Variants in CYP2U1 observed in about 807,000 individuals in gnomAD.
The protein encoded by CYP2U1 is cytochrome P450 family 2 subfamily U member 1.
CYP2U1 carries 28 observed loss-of-function variants against 42.8 expected under a neutral mutation model. The ratio of observed to expected loss-of-function variants is 0.65; its 90% CI spans 0.48 to 0.90. The LOEUF is 0.90. Among genes scored for constraint, CYP2U1 ranks in the 40% least tolerant of loss-of-function variants. CYP2U1 has a pLI of 0.00. For synonymous variants in CYP2U1, 296 were observed against 278.9 expected (o/e 1.06, Z -0.61); for missense variants, 642 against 693.8 (o/e 0.93, Z 0.84).
chr4:107,949,514 A>C lies in CYP2U1; in HGVS notation c.1453A>C (p.Ile485Leu). Residue 485 changes from isoleucine to leucine, a missense_variant, in exon 4 of 5, where the codon ATA becomes CTA. Ile to Leu is a conservative substitution (Grantham distance 5, BLOSUM62 2). Transcript: ENST00000332884. The stretch of plus-strand genomic sequence containing the variant: ...AAAAGAAACCTTTATTCCTTTTGGG[A>C]TAGGTCAGTTACACTTTTTTAAACT... ...IKKETFIPFGIGKRVCMGEQL... is the reference protein window; with the variant it reads ...IKKETFIPFGLGKRVCMGEQL... 2 of 1,556,544 alleles carry C rather than the reference A, an allele frequency of 1.3e-6. No individual in the cohort carries two copies. Among genetic ancestry groups the C allele is most frequent in the Non-Finnish European group, 1.7e-6 (2 of 1,150,012 alleles).
intron 1 of CYP2U1, chr4:107,938,482 T>C (rs1733358232): frequency 6.6e-6 from 1 of 152,132 alleles, no homozygotes; most frequent in Non-Finnish European, 1.5e-5. Flanking sequence ...ACTGGGAAAA[T>C]AGGCATCTCA....
At chr4:107,936,102 C>T (rs936067027) in intron 1 of CYP2U1, 1 of 152,078 alleles carries the variant, frequency 6.6e-6, no homozygotes, top group Non-Finnish European at 1.5e-5. Flanking sequence ...AGGTGGTCTT[C>T]TTCTTAAGCC....
At chr4:107,932,491 G>A (rs1286326059) in intron 1 of CYP2U1, among the ~76,000 whole-genome samples, 2 of 152,166 alleles carry the variant, frequency 1.3e-5, no homozygotes, top group African/African-American at 4.8e-5. Context: ...GAGAAACTTT[G>A]GCCCCCATGT....
chr4:107,941,087 C>T (rs1272499768), intron 1 of CYP2U1: 1 of 151,896 alleles, frequency 6.6e-6, no homozygotes, highest in Non-Finnish European at 1.5e-5. Context: ...ACAAAAGGTA[C>T]TCTAAGTGAT....
Position 107,945,068 on chromosome 4 carries a change from C to G in CYP2U1, c.589C>G (p.Pro197Ala). The G allele has an allele frequency of 6.2e-7, 1 of 1,613,504 alleles. No homozygotes were observed. The highest frequency in any genetic ancestry group is 8.5e-7 in the Non-Finnish European group (1 of 1,179,918). ...HFGLGKLSLE[P>A]KIIEEFKYVK... ...TGGGTTGGGAAAACTTAGCTTGGAG[C>G]CCAAGATTATTGAGGAGTTCAAATA... is the stretch of plus-strand genomic sequence containing the variant. Residue 197 changes from proline (P) to alanine (A), a missense_variant, in exon 2 of 5, where the codon CCC becomes GCC. Physicochemically the swap from Pro to Ala is conservative, Grantham distance 27 (BLOSUM62 -1). Coordinates refer to ENST00000332884, the MANE Select transcript of CYP2U1 (RefSeq NM_183075.3).
chr4:107,949,659 C>A, intron 4 of CYP2U1, 142 bp downstream of exon 4: 1 of 707,910 alleles, frequency 1.4e-6, no homozygotes, highest in Non-Finnish European at 2.1e-6. Flanking sequence ...GACAAGGCAT[C>A]TCCCCTATGT....
At chr4:107,934,292 TTG>T (rs1424236970) in intron 1 of CYP2U1, among the ~76,000 whole-genome samples, 1 of 152,126 alleles carries the variant, frequency 6.6e-6, no homozygotes, top group African/African-American at 2.4e-5. Context: ...TATGATACCA[TTG>T]TTTCATTTTA....
At chr4:107,940,059 G>C (rs1466262274) in intron 1 of CYP2U1, 4 of 151,226 alleles carry the variant, frequency 2.6e-5, no homozygotes, top group Admixed American at 1.3e-4. Flanking sequence ...CTATATACTT[G>C]ACGCTGCCAT....
chr4:107,935,517 T>A (rs972508898), intron 1 of CYP2U1: 2 of 152,170 alleles, frequency 1.3e-5, no homozygotes, highest in African/African-American at 4.8e-5. Flanking sequence ...ATGAAGTAAA[T>A]GCTTGTGGAG....
At chr4:107,949,791 A>ATCTGG (rs1461618979) in intron 4 of CYP2U1, among the ~76,000 whole-genome samples, 2 of 152,078 alleles carry the variant, frequency 1.3e-5, no homozygotes, top group African/African-American at 4.8e-5. Flanking sequence ...GCAATTTCTG[A>ATCTGG]TCTGGTCTGG....
In CYP2U1 at chr4:107,953,271, A is replaced by T. The variant is rs1009770561; in HGVS notation, c.*2848A>T. 2 of 152,238 alleles carry T rather than the reference A, an allele frequency of 1.3e-5. No individual in the cohort carries two copies. The highest frequency in any genetic ancestry group is 2.9e-5 in the Non-Finnish European group (2 of 68,052). The allele number at this position is 152,238 out of a possible 1,614,324, so 9.4% of individuals were successfully genotyped here. ...CCTTAAGCTGTGGCACTTTAAAAACATCTTTATATATAAATTGCTAAAAGG... is the reference window on the plus strand; with the variant it reads ...CCTTAAGCTGTGGCACTTTAAAAACTTCTTTATATATAAATTGCTAAAAGG... On this transcript the variant is annotated 3_prime_UTR_variant, in exon 5 of 5. Coordinates refer to ENST00000332884, the MANE Select transcript of CYP2U1 (RefSeq NM_183075.3).
In CYP2U1 at chr4:107,947,535, C is replaced by T. The variant is rs1733743838; in HGVS notation, c.1286C>T (p.Thr429Ile). The part of the protein sequence containing the change: ...LAIPHMTSEN[T>I]VLQGYTIPKG... ...ATTCCTCATATGACCTCAGAGAACA[C>T]AGGCAAGTCCAGGGTCTTCCTCTTT... is the stretch of plus-strand genomic sequence containing the variant. The change falls in exon 3 of 5, where the codon ACA (threonine) becomes ATA (isoleucine). Residue 429 changes from threonine (T) to isoleucine (I), a missense_variant and splice_region_variant. Physicochemically the swap from Thr to Ile is moderately conservative, Grantham distance 89. Transcript: ENST00000332884. 6.2e-7 allele frequency: 1 copy of T among 1,613,986 alleles called. No individual in the cohort carries two copies. The highest frequency in any genetic ancestry group is 8.5e-7 in the Non-Finnish European group (1 of 1,179,960).
At chr4:107,933,155 TG>T (rs1407668381) in intron 1 of CYP2U1, among the ~76,000 whole-genome samples, 1 of 152,206 alleles carries the variant, frequency 6.6e-6, no homozygotes, top group Non-Finnish European at 1.5e-5. Context: ...AGACAAATAT[TG>T]TATGATCCAC....
chr4:107,940,891 A>G (rs1480518309), intron 1 of CYP2U1: 3 of 152,202 alleles, frequency 2.0e-5, no homozygotes, highest in African/African-American at 4.8e-5. Context: ...GACTAAACTT[A>G]CTGGCTAAAG....
rs550088634 is a variant in CYP2U1 at position 107,931,648 on chromosome 4, C to T, written c.5C>T (p.Ser2Leu). The T allele has an allele frequency of 1.2e-4, 147 of 1,259,232 alleles. No individual in the cohort carries two copies. The Middle Eastern group carries it at 1.2e-3, about 11-fold the overall frequency. The allele number at this position is 1,259,232 out of a possible 1,614,324, so 78.0% of individuals were successfully genotyped here. ...GAGGCCGCCGGCGCCCGGACCATGTCGTCTCCGGGGCCGTCGCAGCCGCCG... is the reference window on the plus strand; with the variant it reads ...GAGGCCGCCGGCGCCCGGACCATGTTGTCTCCGGGGCCGTCGCAGCCGCCG... M[S>L]SPGPSQPPAE... The change falls in exon 1 of 5, where the codon TCG becomes TTG. Residue 2 changes from serine (S) to leucine (L), a missense_variant. Coordinates refer to ENST00000332884, the MANE Select transcript of CYP2U1 (RefSeq NM_183075.3).
At chr4:107,940,242 G>A (rs1733436882) in intron 1 of CYP2U1, 1 of 124,216 alleles carries the variant, frequency 8.1e-6, no homozygotes, top group Non-Finnish European at 1.6e-5. Flanking sequence ...ACCACACCCA[G>A]CTAATTAAAA....
rs181905408 is a variant in CYP2U1, at chr4:107,948,385, G to A, written c.1288+848G>A. ...TCGAGACCAGCCTAGCCAACATGGC[G>A]AAAACCCATCTCTACTAAAAATACA... On this transcript the variant is annotated intron_variant, in intron 3 of 4. Coordinates refer to ENST00000332884, the MANE Select transcript of CYP2U1 (RefSeq NM_183075.3). Among the ~76,000 whole-genome samples the A allele has an allele frequency of 7.0e-3, 1,051 of 150,914 alleles. 52 individuals are homozygous for A. The highest frequency in any genetic ancestry group is 0.065 in the Admixed American group (976 of 15,100).
intron 1 of CYP2U1, among the ~76,000 whole-genome samples, chr4:107,933,478 T>C (rs1296596453): frequency 6.6e-6 from 1 of 152,214 alleles, no homozygotes; most frequent in Non-Finnish European, 1.5e-5. Context: ...TGACATTTGT[T>C]TTTCAGTGGG....
At position 107,932,153 on chromosome 4, in the gene CYP2U1, C is replaced by T. The variant is rs1003478972; in HGVS notation, c.490+20C>T. 19 of 1,593,714 alleles carry T rather than the reference C, an allele frequency of 1.2e-5. No homozygotes were observed. The highest frequency in any genetic ancestry group is 1.5e-5 in the Non-Finnish European group (18 of 1,171,518). On this transcript the variant is annotated intron_variant, in intron 1 of 4. Transcript: ENST00000332884. ...AGAAGGGTGAGCGGGAGGTCGTGGG[C>T]TGTGGGTACGCGGATGCCGCGGATG... is the stretch of plus-strand genomic sequence containing the variant.
Sources: allele counts gnomAD v4.1 joint callset (sites outside exome capture counted in the v4.1 genomes callset), GRCh38; gene constraint gnomAD v4.1.1; transcripts MANE v1.5; gene names NCBI Gene and HGNC (gene_info 2026-07-23, HGNC 2026-07-21).